Variants in ARHGAP29 observed in about 807,000 individuals in gnomAD.
ARHGAP29 encodes rho GTPase-activating protein 29.
In ARHGAP29, 43 loss-of-function variants were observed where a neutral mutation model predicts 122.6. The observed-to-expected ratio is 0.35, with a 90% CI of 0.27 to 0.45. ARHGAP29 has a LOEUF of 0.45. ARHGAP29 is among the 20% of genes least tolerant of loss of function. ARHGAP29 has a pLI of 1.00. For missense variants in ARHGAP29, 1,303 were observed against 1,477.2 expected (o/e 0.88, Z 1.93); for synonymous variants, 506 against 497.1 (o/e 1.02, Z -0.24).
chr1:94,169,047 G>C lies in ARHGAP29; in HGVS notation c.*4822C>G, dbSNP rs1402556347. Reference sequence around the variant, plus strand: ...GTATTAATATTTAAAAATTGTTACAGCCAAGACCAAAAAGTGAGAACCACA... The same window carrying C: ...GTATTAATATTTAAAAATTGTTACACCCAAGACCAAAAAGTGAGAACCACA... On this transcript the variant is annotated 3_prime_UTR_variant, in exon 23 of 23. Transcript: ENST00000260526. 6.6e-6 allele frequency among the ~76,000 whole-genome samples: 1 copy of C among 152,148 alleles called. No individual in the cohort carries two copies. The highest frequency in any genetic ancestry group is 1.5e-5 in the Non-Finnish European group (1 of 68,028).
rs374717439 is a variant in ARHGAP29 at position 94,232,634 on chromosome 1, A to T, written c.-32-991T>A. Among the ~76,000 whole-genome samples, 20 of 152,334 alleles carry T rather than the reference A, an allele frequency of 1.3e-4. No individual in the cohort carries two copies. The East Asian group carries it at 3.9e-3, about 29-fold the overall frequency. Reference sequence around the variant, plus strand: ...TATTTACAGGCTTGTGTGAGGATGAAAAGGGATCACAAAATTAGAAGACTT... The same window carrying T: ...TATTTACAGGCTTGTGTGAGGATGATAAGGGATCACAAAATTAGAAGACTT... On this transcript the variant is annotated intron_variant, in intron 1 of 22. Coordinates refer to ENST00000260526, the MANE Select transcript of ARHGAP29 (RefSeq NM_004815.4).
chr1:94,203,740 GA>G lies in ARHGAP29; in HGVS notation c.762+189del, dbSNP rs1053732715. On this transcript the variant is annotated intron_variant, in intron 8 of 22. Transcript: ENST00000260526. ...ACAGAGTGAGACCCTGTCTTAAGAC[GA>G]AAAAAAAAGCGTATTTCCTAGATTT... Among the ~76,000 whole-genome samples the G allele has an allele frequency of 5.5e-4, 82 of 149,216 alleles. 2 individuals are homozygous for G. Among genetic ancestry groups the G allele is most frequent in the East Asian group, 9.8e-4 (5 of 5,120 alleles).
chr1:94,230,731 G>C (rs1266869924), intron 2 of ARHGAP29, among the ~76,000 whole-genome samples: 2 of 151,700 alleles, frequency 1.3e-5, no homozygotes, highest in Non-Finnish European at 3.0e-5. Flanking sequence ...AGAAGAATAG[G>C]AGCTGTTTTT....
At chr1:94,268,023 T>C (rs1654840001) in intron 1 of ARHGAP29, among the ~76,000 whole-genome samples, 1 of 152,176 alleles carries the variant, frequency 6.6e-6, no homozygotes, top group Non-Finnish European at 1.5e-5. Context: ...GCTCTCTTCA[T>C]TATTTTCACA....
intron 1 of ARHGAP29, among the ~76,000 whole-genome samples, chr1:94,266,540 A>G (rs1654776852): frequency 6.6e-6 from 1 of 152,008 alleles, no homozygotes; most frequent in African/African-American, 2.4e-5. Flanking sequence ...TTCCCCCTTC[A>G]TGAACTGAGC....
chr1:94,261,376 T>A lies in ARHGAP29; in HGVS notation c.-33+13636A>T, dbSNP rs572435769. 2.6e-5 allele frequency among the ~76,000 whole-genome samples: 4 copies of A among 152,278 alleles called. No homozygotes were observed. The South Asian group carries it at 8.3e-4, about 32-fold the overall frequency. On this transcript the variant is annotated intron_variant and NMD_transcript_variant, in intron 1 of 25. Transcript: ENST00000552844. ...TTGTGTTTACTATCACAAGTTTGGGTCTCATTTGGCTTTACTGTGTTATGC... is the reference window on the plus strand; with the variant it reads ...TTGTGTTTACTATCACAAGTTTGGGACTCATTTGGCTTTACTGTGTTATGC...
At chr1:94,192,897 A>G (rs768150728) in intron 12 of ARHGAP29, 2 of 152,194 alleles carry the variant, frequency 1.3e-5, no homozygotes, top group African/African-American at 4.8e-5. Flanking sequence ...CTAGGATATC[A>G]TTCAAAATTA....
chr1:94,291,775 T>A, the ARHGAP29 span, among the ~76,000 whole-genome samples: 1 of 152,216 alleles, frequency 6.6e-6, no homozygotes, highest in Non-Finnish European at 1.5e-5. Flanking sequence ...TGTTGAATAT[T>A]GGCCCCCACT....
At chr1:94,241,860 T>A (rs565550505), upstream of ARHGAP29, among the ~76,000 whole-genome samples, 39 of 151,562 alleles carry the variant, frequency 2.6e-4, no homozygotes, top group Non-Finnish European at 5.2e-4. Flanking sequence ...CACACCGCAC[T>A]GGGCTCAGGG....
intron 15 of ARHGAP29, 119 bp downstream of exon 15, chr1:94,188,718 T>C (rs1242013409): frequency 6.1e-6 from 5 of 824,528 alleles, no homozygotes; most frequent in Admixed American, 5.3e-5. Context: ...TTTTAAATTG[T>C]ACACTTTCCT....
At position 94,174,387 on chromosome 1, in the gene ARHGAP29, G is replaced by C. The variant is rs777693204; in HGVS notation, c.3268C>G (p.Leu1090Val). ...IQDKQYEQNS[L>V]TAKTTMIMPS... ...ATGATCATTGTAGTCTTGGCAGTTA[G>C]GCTGTTTTGTTCATACTGTTTGTCC... is the stretch of plus-strand genomic sequence containing the variant. The change falls in exon 23 of 23, where the codon CTA becomes GTA. Residue 1090 changes from leucine (L) to valine (V), a missense_variant. Transcript: ENST00000260526. 8.7e-6 allele frequency: 14 copies of C among 1,614,006 alleles called. No homozygotes were observed. Among genetic ancestry groups the C allele is most frequent in the Non-Finnish European group, 2.5e-6 (3 of 1,180,038 alleles).
At chr1:94,278,332 T>A (rs190568002), upstream of ARHGAP29, among the ~76,000 whole-genome samples, 552 of 151,788 alleles carry the variant, frequency 3.6e-3, 14 homozygotes, top group Admixed American at 0.032. Context: ...AAAAAAAAAA[T>A]TATTATTAAA....
At chr1:94,306,033 G>A in the ARHGAP29 span, among the ~76,000 whole-genome samples, 1 of 152,224 alleles carries the variant, frequency 6.6e-6, no homozygotes, top group South Asian at 2.1e-4. Context: ...AAGAAATATG[G>A]AGAACGTTCT....
chr1:94,177,532 C>T (rs1174385159), intron 22 of ARHGAP29, 80 bp downstream of exon 22: 1 of 1,057,386 alleles, frequency 9.5e-7, no homozygotes. Flanking sequence ...CCTCATTGCC[C>T]CTCACCTTGG....
intron 1 of ARHGAP29, among the ~76,000 whole-genome samples, chr1:94,234,013 T>C (rs1375650551): frequency 6.6e-6 from 1 of 152,164 alleles, no homozygotes; most frequent in African/African-American, 2.4e-5. Context: ...AGCTCAAAGC[T>C]TACCTCCTCA....
intron 1 of ARHGAP29, among the ~76,000 whole-genome samples, chr1:94,243,859 A>C (rs753544158): frequency 2.0e-5 from 3 of 151,646 alleles, no homozygotes; most frequent in Non-Finnish European, 4.4e-5. Flanking sequence ...TACAGACCCT[A>C]CAGACACAAG....
At chr1:94,189,437 C>G in intron 13 of ARHGAP29, 85 bp from the exon 14 acceptor site, 3 of 1,380,440 alleles carry the variant, frequency 2.2e-6, no homozygotes, top group Non-Finnish European at 2.9e-6. Context: ...TTAGAAAAAT[C>G]TATTAATTTA....
chr1:94,231,696 C>G, intron 1 of ARHGAP29, 53 bp from the exon 2 acceptor site: 1 of 1,348,480 alleles, frequency 7.4e-7, no homozygotes, highest in South Asian at 1.4e-5. Context: ...GAAAGAAACA[C>G]AAAAACTAAA....
intron 1 of ARHGAP29, among the ~76,000 whole-genome samples, chr1:94,245,767 G>C (rs191200849): frequency 5.4e-4 from 82 of 152,310 alleles, no homozygotes; most frequent in African/African-American, 1.9e-3. Context: ...AATGGGATCA[G>C]ACTAAATTTT....
Sources: allele counts gnomAD v4.1 joint callset (sites outside exome capture counted in the v4.1 genomes callset), GRCh38; gene constraint gnomAD v4.1.1; transcripts MANE v1.5; gene names NCBI Gene and HGNC (gene_info 2026-07-23, HGNC 2026-07-21).